Variants in NOXO1 observed in about 807,000 individuals in gnomAD.
The protein encoded by NOXO1 is NADPH oxidase organizer 1.
Under a neutral mutation model 33.3 loss-of-function variants are expected in NOXO1, and 38 were observed. The observed-to-expected ratio is 1.14, with a 90% CI of 0.88 to 1.50. The LOEUF is 1.50. NOXO1 is among the 40% of genes most tolerant of loss of function. The probability of loss-of-function intolerance (pLI) is 0.00; values close to 1 mark genes in which losing one functional copy is unlikely to be tolerated. For synonymous variants in NOXO1, 302 were observed against 237.3 expected, an observed-to-expected ratio of 1.27 and a Z score of -2.51; for missense variants, 675 against 527.1, an observed-to-expected ratio of 1.28 and a Z score of -2.75.
Position 1,979,357 on chromosome 16 carries a change from G to A in NOXO1, c.819-8C>T. 6.3e-7 allele frequency: 1 copy of A among 1,583,580 alleles called. No individual in the cohort carries two copies. Among genetic ancestry groups the A allele is most frequent in the Non-Finnish European group, 8.5e-7 (1 of 1,171,758 alleles). On this transcript the variant is annotated splice_polypyrimidine_tract_variant and splice_region_variant and intron_variant, in intron 7 of 7. Transcript: ENST00000356120. ...CCCGCCCGGTCGCCGTACCTGCGAG[G>A]GGCGGGGTGTGGTTAGGGCCCCGCC...
chr16:1,980,428 T>C lies in NOXO1; in HGVS notation c.340A>G (p.Thr114Ala), dbSNP rs137970586. The change falls in exon 4 of 8, where the codon ACG (threonine) becomes GCG (alanine). Residue 114 changes from threonine (T) to alanine (A), a missense_variant. Coordinates refer to ENST00000356120, the MANE Select transcript of NOXO1 (RefSeq NM_172167.3). ...ATAERVARSP[T>A]ITGFFAPQPL... ...TGCGGTGCGAAGAAGCCAGTGATCGTCGGGCTCCGTGCCACGCGCTCTGCA... is the reference window on the plus strand; with the variant it reads ...TGCGGTGCGAAGAAGCCAGTGATCGCCGGGCTCCGTGCCACGCGCTCTGCA... 1.6e-5 allele frequency: 26 copies of C among 1,602,538 alleles called. No homozygotes were observed. Among genetic ancestry groups the C allele is most frequent in the Non-Finnish European group, 2.2e-5 (26 of 1,179,850 alleles).
rs1340748410 is a variant in NOXO1 at position 1,981,268 on chromosome 16, A to G, written c.-89T>C. 1.9e-6 allele frequency: 3 copies of G among 1,570,394 alleles called. No individual in the cohort carries two copies. The highest frequency in any genetic ancestry group is 4.6e-5 in the East Asian group (2 of 43,768). ...GAGAGGGCTCTGGGGGACCCAGAAA[A>G]CCCCCTGGGATAGAATCCTGGCAAC... On this transcript the variant is annotated 5_prime_UTR_variant, in exon 1 of 8. Transcript: ENST00000356120.
chr16:1,979,522 GGGAA>G lies in NOXO1; in HGVS notation c.717_720del (p.Ser240AlafsTer55). The G allele has an allele frequency of 6.2e-7, 1 of 1,611,124 alleles. No homozygotes were observed. The highest frequency in any genetic ancestry group is 8.5e-7 in the Non-Finnish European group (1 of 1,178,928). On this transcript the variant is annotated frameshift_variant, in exon 7 of 8. Coordinates refer to ENST00000356120, the MANE Select transcript of NOXO1 (RefSeq NM_172167.3). LOFTEE classifies it high-confidence loss of function. ...TCTGCGCGGCTGCTCTCGTAGGCGC[GGGAA>G]GCACAGAACTGGGGACCTGGTGGGA...
rs1207209232 is a variant in NOXO1 at position 1,979,769 on chromosome 16, G to A, written c.700+21C>T. 3 of 1,487,400 alleles carry A rather than the reference G, an allele frequency of 2.0e-6. No homozygotes were observed. The South Asian group carries it at 3.7e-5, about 18-fold the overall frequency. 92.1% of individuals were successfully genotyped at this position (1,487,400 alleles called of 1,614,324 possible). A position where few individuals can be genotyped will look rare whatever the true frequency, so the allele number is the denominator to read the frequency against. On this transcript the variant is annotated intron_variant, in intron 6 of 7. Coordinates refer to ENST00000356120, the MANE Select transcript of NOXO1 (RefSeq NM_172167.3). ...CGGTCAAGCCGCAGTGGTGGCGTGA[G>A]GGGTGGGGTTAGGCGCATACCGCTG...
intron 6 of NOXO1, 91 bp downstream of exon 6, chr16:1,979,699 C>T: frequency 1.6e-6 from 2 of 1,226,508 alleles, no homozygotes; most frequent in East Asian, 2.6e-5. Context: ...AGCACGGGCT[C>T]CTGGCCCGCC....
chr16:1,981,401 G>T lies in NOXO1; in HGVS notation c.-222C>A. ...GGGGGCAGGAGCACAGGGATTGGGG[G>T]ACTTCCAGGCAGAGCTGCTGGGAGG... On this transcript the variant is annotated 5_prime_UTR_variant, in exon 1 of 8. Transcript: ENST00000356120. 8.5e-7 allele frequency: 1 copy of T among 1,179,742 alleles called. No homozygotes were observed. Among genetic ancestry groups the T allele is most frequent in the Non-Finnish European group, 1.1e-6 (1 of 869,994 alleles). 73.1% of individuals were successfully genotyped at this position (1,179,742 alleles called of 1,614,324 possible). A position where few individuals can be genotyped will look rare whatever the true frequency, so the allele number is the denominator to read the frequency against.
chr16:1,981,172 C>G lies in NOXO1; in HGVS notation c.8G>C (p.Gly3Ala), dbSNP rs768914047. 16 of 1,613,634 alleles carry G rather than the reference C, an allele frequency of 9.9e-6. No individual in the cohort carries two copies. The highest frequency in any genetic ancestry group is 1.4e-5 in the Non-Finnish European group (16 of 1,180,010). The change falls in exon 1 of 8, where the codon GGC becomes GCC. Residue 3 changes from glycine to alanine, a missense_variant. By Grantham distance (60) the Gly-to-Ala change is moderately conservative. Coordinates refer to ENST00000356120, the MANE Select transcript of NOXO1 (RefSeq NM_172167.3). MA[G>A]PRYPVSVQGA... ...TTGCACTGAAACTGGGTATCGGGGG[C>G]CTGCCATGGCTGTGGCTTCCAGGCT...
At position 1,980,185 on chromosome 16, in the gene NOXO1, G is replaced by T. The variant is rs1050563771; in HGVS notation, c.402-4C>A. The T allele has an allele frequency of 1.3e-6, 2 of 1,595,854 alleles. No homozygotes were observed. Among genetic ancestry groups the T allele is most frequent in the Admixed American group, 1.7e-5 (1 of 57,366 alleles). On this transcript the variant is annotated splice_polypyrimidine_tract_variant and splice_region_variant and intron_variant, in intron 4 of 7. Coordinates refer to ENST00000356120, the MANE Select transcript of NOXO1 (RefSeq NM_172167.3). ...TGGGGTGGGCAGGATCACCCGGCTG[G>T]GAAGGGCAGCCCGTACGAGTGAGAG...
Position 1,979,136 on chromosome 16 carries a change from G to C in NOXO1, c.1032C>G (p.Arg344=). 6.8e-7 allele frequency: 1 copy of C among 1,474,408 alleles called. No individual in the cohort carries two copies. The highest frequency in any genetic ancestry group is 2.7e-5 in the East Asian group (1 of 37,710). The allele number at this position is 1,474,408 out of a possible 1,614,324, so 91.3% of individuals were successfully genotyped here. ...AIQSRCCTVT[R]RALERRPRRQ... Reference sequence around the variant, plus strand: ...GCCGTGGGCGCCGCTCCAGGGCCCTGCGTGTGACGGTGCAGCAGCGGCTCT... The same window carrying C: ...GCCGTGGGCGCCGCTCCAGGGCCCTCCGTGTGACGGTGCAGCAGCGGCTCT... Residue 344 remains arginine, a synonymous_variant, in exon 8 of 8, where the codon CGC becomes CGG. Coordinates refer to ENST00000356120, the MANE Select transcript of NOXO1 (RefSeq NM_172167.3).
chr16:1,979,807 G>A lies in NOXO1; in HGVS notation c.683C>T (p.Pro228Leu). ...GCGCATACCGCTGCTCCCTAGGGAC[G>A]GGCCTCCCTCCCGGCCTTGGCCCGG... ...AAPGQGREGG[P>L]SLGSSGPQFC... The change falls in exon 6 of 8, where the codon CCG (proline) becomes CTG (leucine). Residue 228 changes from proline (P) to leucine (L), a missense_variant. Coordinates refer to ENST00000356120, the MANE Select transcript of NOXO1 (RefSeq NM_172167.3). 1.9e-6 allele frequency: 3 copies of A among 1,558,734 alleles called. No individual in the cohort carries two copies. Among genetic ancestry groups the A allele is most frequent in the Non-Finnish European group, 2.6e-6 (3 of 1,153,634 alleles).
intron 5 of NOXO1, 21 bp from the exon 6 acceptor site, chr16:1,979,924 G>A (rs761048956): frequency 1.9e-6 from 3 of 1,577,308 alleles, no homozygotes; most frequent in Non-Finnish European, 1.7e-6. Flanking sequence ...GAAGCGGGCA[G>A]GGACTCAAAT....
At chr16:1,979,716 G>T (rs1366680217) in intron 6 of NOXO1, 74 bp downstream of exon 6, 4 of 1,294,364 alleles carry the variant, frequency 3.1e-6, no homozygotes, top group African/African-American at 1.5e-5. Context: ...CGCCCTGCCC[G>T]CGGTGCTTCT....
In NOXO1 at chr16:1,980,057, C is replaced by G. The variant is rs779787770; in HGVS notation, c.526G>C (p.Asp176His). The G allele has an allele frequency of 3.0e-5, 49 of 1,607,316 alleles. No individual in the cohort carries two copies. Among genetic ancestry groups the G allele is most frequent in the Non-Finnish European group, 4.1e-5 (48 of 1,178,334 alleles). ...LQPFCTQDTR[D>H]RPFQAQAQES... ...TGGGCCTGCGCCTGAAAAGGCCTAT[C>G]CCGCGTGTCCTGGGTACAGAAGGGC... Residue 176 changes from aspartate to histidine, a missense_variant, in exon 5 of 8, where the codon GAT becomes CAT. Asp to His is a moderately conservative substitution (Grantham distance 81, BLOSUM62 -1). Coordinates refer to ENST00000356120, the MANE Select transcript of NOXO1 (RefSeq NM_172167.3).
chr16:1,980,081 G>A lies in NOXO1; in HGVS notation c.502C>T (p.Pro168Ser). ...TCCCGCGTGTCCTGGGTACAGAAGG[G>A]CTGCAGGCAGCGCAGGCTCTGAGCC... The part of the protein sequence containing the change: ...LEAQSLRCLQ[P>S]FCTQDTRDRP... Residue 168 changes from proline to serine, a missense_variant, in exon 5 of 8, where the codon CCC becomes TCC. Pro to Ser is a moderately conservative substitution (Grantham distance 74). Transcript: ENST00000356120. The A allele has an allele frequency of 6.2e-7, 1 of 1,607,500 alleles. No homozygotes were observed. Among genetic ancestry groups the A allele is most frequent in the South Asian group, 1.1e-5 (1 of 90,064 alleles).
chr16:1,981,057 G>T (rs780912515), intron 1 of NOXO1, 38 bp from the exon 2 acceptor site: 4 of 1,608,248 alleles, frequency 2.5e-6, no homozygotes, highest in Non-Finnish European at 3.4e-6. Context: ...TGGAGGTGCT[G>T]GTCCAGGCAC....
At chr16:1,979,399 C>T in intron 7 of NOXO1, 26 bp downstream of exon 7, 1 of 1,601,058 alleles carries the variant, frequency 6.2e-7, no homozygotes, top group Admixed American at 1.7e-5. Context: ...GGCTAGCCTG[C>T]CCTGCCCACG....
At chr16:1,979,968 C>T in intron 5 of NOXO1, 29 bp downstream of exon 5, 2 of 1,589,536 alleles carry the variant, frequency 1.3e-6, no homozygotes, top group Non-Finnish European at 1.7e-6. Flanking sequence ...AGCAGAGGAG[C>T]AAATCCCTGG....
chr16:1,979,541 A>G lies in NOXO1; in HGVS notation c.702T>C (p.Gly234=). The change falls in exon 7 of 8, where the codon GGT becomes GGC. Residue 234 remains glycine (G), a splice_region_variant and synonymous_variant. Coordinates refer to ENST00000356120, the MANE Select transcript of NOXO1 (RefSeq NM_172167.3). ...REGGPSLGSS[G]PQFCASRAYE... ...AGGCGCGGGAAGCACAGAACTGGGG[A>G]CCTGGTGGGAGTGGGTGTTTGGAGT... 5.6e-6 allele frequency: 9 copies of G among 1,608,140 alleles called. No individual in the cohort carries two copies. The highest frequency in any genetic ancestry group is 7.6e-6 in the Non-Finnish European group (9 of 1,177,076).
Position 1,980,945 on chromosome 16 carries a change from C to T in NOXO1, c.141G>A (p.Gln47=), listed in dbSNP as rs752845842. 6.2e-7 allele frequency: 1 copy of T among 1,612,566 alleles called. No homozygotes were observed. Among genetic ancestry groups the T allele is most frequent in the Admixed American group, 1.7e-5 (1 of 60,024 alleles). ...FVRRSWDEFR[Q]LKKTLKETFP... is the part of the protein sequence containing the mutation. Reference sequence around the variant, plus strand: ...GTGGCCCAGGGTCACTCACCTTGAGCTGCCTGAATTCGTCCCAACTCCTGC... The same window carrying T: ...GTGGCCCAGGGTCACTCACCTTGAGTTGCCTGAATTCGTCCCAACTCCTGC... The change falls in exon 2 of 8, where the codon CAG becomes CAA. Residue 47 remains glutamine, a synonymous_variant. Coordinates refer to ENST00000356120, the MANE Select transcript of NOXO1 (RefSeq NM_172167.3).
Sources: gnomAD v4.1 joint callset for allele counts on GRCh38, gnomAD v4.1.1 for gene constraint, MANE v1.5 for transcripts, NCBI Gene and HGNC (gene_info 2026-07-23, HGNC 2026-07-21) for gene names.